MFAP3L: variants seen among roughly 807,000 people sequenced by gnomAD.
The protein encoded by MFAP3L is microfibrillar-associated protein 3-like.
Under a neutral mutation model 20.0 loss-of-function variants are expected in MFAP3L, and 5 were observed. The ratio of observed to expected loss-of-function variants is 0.25; its 90% CI spans 0.13 to 0.53. MFAP3L has a LOEUF of 0.53. Ranked by LOEUF, MFAP3L falls within the 20% of genes least tolerant of loss-of-function variation. MFAP3L has a pLI of 0.96. For synonymous variants in MFAP3L, 219 were observed against 213.0 expected (o/e 1.03, Z -0.25); for missense variants, 409 against 527.5 (o/e 0.78, Z 2.20).
intron 2 of MFAP3L, chr4:170,003,758 G>C: frequency 4.1e-6 from 4 of 985,428 alleles, no homozygotes; most frequent in Non-Finnish European, 4.8e-6. Context: ...CCTAGCGATA[G>C]CTCAGCCCTG....
At chr4:170,009,921 G>T (rs1739273247) in intron 1 of MFAP3L, among the ~76,000 whole-genome samples, 1 of 152,114 alleles carries the variant, frequency 6.6e-6, no homozygotes, top group South Asian at 2.1e-4. Context: ...AGTCAATTTG[G>T]GTATTGCCCC....
intron 1 of MFAP3L, among the ~76,000 whole-genome samples, chr4:170,021,139 A>T (rs1237385771): frequency 6.6e-6 from 1 of 152,200 alleles, no homozygotes; most frequent in African/African-American, 2.4e-5. Context: ...TAAAAAAAAT[A>T]TTGGGAATAG....
chr4:170,025,512 C>T (rs1740294201), intron 1 of MFAP3L, among the ~76,000 whole-genome samples: 1 of 152,122 alleles, frequency 6.6e-6, no homozygotes. Context: ...TTTTTTGCTA[C>T]CTTGCTTTAT....
chr4:170,015,007 G>A (rs1739609843), intron 1 of MFAP3L, among the ~76,000 whole-genome samples: 1 of 152,334 alleles, frequency 6.6e-6, no homozygotes, highest in Non-Finnish European at 1.5e-5. Flanking sequence ...CCAGTGTGAA[G>A]AATTCACTGC....
chr4:170,016,269 G>A (rs1413813489), intron 1 of MFAP3L, among the ~76,000 whole-genome samples: 1 of 152,160 alleles, frequency 6.6e-6, no homozygotes, highest in African/African-American at 2.4e-5. Context: ...CCTGACAGTA[G>A]GCCTCTGACA....
At chr4:170,011,110 T>C (rs771147993) in intron 1 of MFAP3L, among the ~76,000 whole-genome samples, 48 of 152,230 alleles carry the variant, frequency 3.2e-4, no homozygotes, top group Non-Finnish European at 5.9e-5. Flanking sequence ...GTGTAAGACA[T>C]GCCTTTGCTT....
intron 2 of MFAP3L, among the ~76,000 whole-genome samples, chr4:169,997,433 G>A (rs1165665780): frequency 6.6e-6 from 1 of 152,058 alleles, no homozygotes; most frequent in Non-Finnish European, 1.5e-5. Flanking sequence ...AATACTTAAT[G>A]ACTCTAAAAC....
At chr4:170,020,669 C>T (rs1739977180) in intron 1 of MFAP3L, among the ~76,000 whole-genome samples, 1 of 145,218 alleles carries the variant, frequency 6.9e-6, no homozygotes, top group South Asian at 2.4e-4. Context: ...CTGGAGCCTC[C>T]TCCTCCCATC....
chr4:170,006,099 T>C, intron 1 of MFAP3L, 89 bp from the exon 2 acceptor site: 1 of 1,018,524 alleles, frequency 9.8e-7, no homozygotes, highest in Non-Finnish European at 1.3e-6. Flanking sequence ...GCAGCTAAAA[T>C]ACAAACATCA....
intron 2 of MFAP3L, among the ~76,000 whole-genome samples, chr4:170,002,509 T>C (rs1195969846): frequency 6.6e-6 from 1 of 152,122 alleles, no homozygotes; most frequent in Non-Finnish European, 1.5e-5. Flanking sequence ...TAGTATCATT[T>C]TTCTTTTTTT....
At chr4:170,026,423 A>G (rs1470441501), upstream of MFAP3L, 39 of 374,536 alleles carry the variant, frequency 1.0e-4, no homozygotes, top group East Asian at 5.2e-3. Context: ...TCCCACCTAC[A>G]GGAGCCTGGG....
In MFAP3L at chr4:169,992,292, C is replaced by A; in HGVS notation, c.316G>T (p.Asp106Tyr). The A allele has an allele frequency of 1.2e-6, 2 of 1,607,622 alleles. No homozygotes were observed. The highest frequency in any genetic ancestry group is 1.1e-5 in the South Asian group (1 of 90,484). ...ERGGGKWQMH[D>Y]SGLLNITKVS... ...TTGGTGATGTTCAGGAGGCCGCTGT[C>A]GTGCATTTGCCATTTTCCTGTCGGA... The change falls in exon 3 of 3, where the codon GAC becomes TAC. Residue 106 changes from aspartate to tyrosine, a missense_variant. This residue lies in a region of MFAP3L where 113 missense variants were observed against 131.1 expected (regional missense o/e 0.86). Transcript: ENST00000361618. The surrounding 1 kb of genome is among the most constrained non-coding windows in gnomAD (Gnocchi z 4.3).
chr4:169,996,014 C>A (rs1210394669), intron 2 of MFAP3L, among the ~76,000 whole-genome samples: 3 of 133,328 alleles, frequency 2.3e-5, no homozygotes, highest in African/African-American at 8.2e-5. Context: ...CGCCACCCCC[C>A]ACCCCCCACC....
rs928914622 is a variant in MFAP3L at position 169,989,694 on chromosome 4, C to G, written c.*1684G>C. ...ACTAAACATCTGGGTCTGCTCTCATCACCAATGTGATCCATGCAATCTTGG... is the reference window on the plus strand; with the variant it reads ...ACTAAACATCTGGGTCTGCTCTCATGACCAATGTGATCCATGCAATCTTGG... On this transcript the variant is annotated 3_prime_UTR_variant, in exon 3 of 3. Coordinates refer to ENST00000361618, the MANE Select transcript of MFAP3L (RefSeq NM_021647.8). The G allele has an allele frequency of 1.3e-5, 2 of 152,356 alleles. No homozygotes were observed. The highest frequency in any genetic ancestry group is 6.5e-5 in the Admixed American group (1 of 15,304). The allele number at this position is 152,356 out of a possible 1,614,324, so 9.4% of individuals were successfully genotyped here. A position where few individuals can be genotyped will look rare whatever the true frequency, so the allele number is the denominator to read the frequency against.
rs530114353 is a variant in MFAP3L at position 170,017,912 on chromosome 4, A to G, written c.-134+8322T>C. The stretch of plus-strand genomic sequence containing the variant: ...GATCTCTCCCATCTCTCCGCTGGGT[A>G]GTCACCTTTATCTAAGTGATAAACA... On this transcript the variant is annotated intron_variant, in intron 1 of 2. Coordinates refer to ENST00000361618, the MANE Select transcript of MFAP3L (RefSeq NM_021647.8). Among the ~76,000 whole-genome samples, 377 of 152,340 alleles carry G rather than the reference A, an allele frequency of 2.5e-3. 2 individuals are homozygous for G. Among genetic ancestry groups the G allele is most frequent in the South Asian group, 5.6e-3 (27 of 4,832 alleles).
chr4:170,017,333 T>C (rs1474497359), intron 1 of MFAP3L, among the ~76,000 whole-genome samples: 2 of 152,132 alleles, frequency 1.3e-5, no homozygotes, highest in Non-Finnish European at 2.9e-5. Context: ...CAAACCCTAC[T>C]GGATTTAATT....
Position 170,005,317 on chromosome 4 carries a change from T to C in MFAP3L, c.298+263A>G, listed in dbSNP as rs576972215. The C allele has an allele frequency of 3.9e-5, 21 of 542,366 alleles. 1 individual carries two copies. Among genetic ancestry groups the C allele is most frequent in the South Asian group, 1.2e-4 (4 of 33,418 alleles). The allele number at this position is 542,366 out of a possible 1,614,324, so 33.6% of individuals were successfully genotyped here. A position where few individuals can be genotyped will look rare whatever the true frequency, so the allele number is the denominator to read the frequency against. On this transcript the variant is annotated intron_variant, in intron 2 of 2. Transcript: ENST00000361618. ...ATTTTACATTTGTCTCTATAATGTA[T>C]TGGATGTATTATATTACAAAATTCC...
At chr4:170,009,956 G>A (rs1581502687) in intron 1 of MFAP3L, among the ~76,000 whole-genome samples, 2 of 152,168 alleles carry the variant, frequency 1.3e-5, no homozygotes, top group South Asian at 4.1e-4. Flanking sequence ...ATAATTTGTA[G>A]AGTGATACAA....
At chr4:170,024,598 G>T (rs1740238395) in intron 1 of MFAP3L, among the ~76,000 whole-genome samples, 1 of 152,184 alleles carries the variant, frequency 6.6e-6, no homozygotes, top group Admixed American at 6.5e-5. Context: ...AATGTATTTA[G>T]AAATAAATTT....
Sources: gnomAD v4.1 joint callset for allele counts (sites outside exome capture counted in the v4.1 genomes callset) on GRCh38, gnomAD v4.1.1 for gene constraint, gnomAD v4.1.1 regional missense constraint, Gnocchi (gnomAD v3.1) non-coding constraint, MANE v1.5 for transcripts, NCBI Gene and HGNC (gene_info 2026-07-23, HGNC 2026-07-21) for gene names.